NLGN1: variants seen among roughly 807,000 people sequenced by gnomAD.
The protein encoded by NLGN1 is neuroligin 1.
NLGN1 carries 12 observed loss-of-function variants against 65.5 expected under a neutral mutation model. The ratio of observed to expected loss-of-function variants is 0.18; its 90% CI spans 0.12 to 0.30. NLGN1 has a LOEUF of 0.30. Ranked by LOEUF, NLGN1 falls within the 10% of genes least tolerant of loss-of-function variation. The pLI is 1.00. For missense variants in NLGN1, 750 were observed against 1,007.1 expected (o/e 0.74, Z 3.46); for synonymous variants, 350 against 359.5 (o/e 0.97, Z 0.30).
chr3:173,685,692 C>T (rs937000246), intron 3 of NLGN1: 1 of 985,260 alleles, frequency 1.0e-6, no homozygotes, highest in Non-Finnish European at 1.2e-6. Flanking sequence ...GACTCAAATC[C>T]AGGAAGTTTG....
intron 4 of NLGN1, among the ~76,000 whole-genome samples, chr3:173,857,595 A>T (rs1214456598): frequency 6.6e-6 from 1 of 152,086 alleles, no homozygotes; most frequent in Non-Finnish European, 1.5e-5. Flanking sequence ...ACAAAAAAAA[A>T]TCACAGAAAG....
intron 1 of NLGN1, among the ~76,000 whole-genome samples, chr3:173,428,481 A>T (rs1417270654): frequency 6.6e-6 from 1 of 152,016 alleles, no homozygotes. Flanking sequence ...GGCTTACAAA[A>T]TATTTTATGG....
intron 4 of NLGN1, among the ~76,000 whole-genome samples, chr3:173,938,968 A>G (rs925574241): frequency 6.6e-6 from 1 of 152,180 alleles, no homozygotes; most frequent in Non-Finnish European, 1.5e-5. Flanking sequence ...TTCCAAACCG[A>G]GCTTGTCAAC....
At chr3:173,688,987 G>T (rs547569714) in intron 3 of NLGN1, among the ~76,000 whole-genome samples, 50 of 152,226 alleles carry the variant, frequency 3.3e-4, no homozygotes, top group African/African-American at 1.1e-3. Context: ...CCATTTGGGT[G>T]TACTAATAAT....
chr3:174,263,200 C>G (rs919367100), intron 4 of NLGN1, among the ~76,000 whole-genome samples: 5 of 150,660 alleles, frequency 3.3e-5, no homozygotes, highest in African/African-American at 4.9e-5. Context: ...CTATTAGGTC[C>G]GCTTGGTGCA....
intron 4 of NLGN1, among the ~76,000 whole-genome samples, chr3:173,992,138 A>G (rs1450420507): frequency 1.3e-5 from 2 of 152,144 alleles, no homozygotes; most frequent in African/African-American, 4.8e-5. Flanking sequence ...ACTTTCAAAC[A>G]TATTTGCCTT....
chr3:174,152,940 A>G (rs1724681103), intron 4 of NLGN1, among the ~76,000 whole-genome samples: 1 of 152,134 alleles, frequency 6.6e-6, no homozygotes, highest in Admixed American at 6.6e-5. Flanking sequence ...AGTCTTTACT[A>G]TCTTTTCATG....
intron 4 of NLGN1, among the ~76,000 whole-genome samples, chr3:173,934,696 A>T (rs1177860953): frequency 6.6e-6 from 1 of 152,108 alleles, no homozygotes; most frequent in East Asian, 1.9e-4. Flanking sequence ...TTTTATGAGT[A>T]TTCTCAAAGT....
chr3:174,019,802 C>T (rs780150940), intron 4 of NLGN1, among the ~76,000 whole-genome samples: 5 of 151,964 alleles, frequency 3.3e-5, no homozygotes, highest in Admixed American at 6.6e-5. Context: ...TGCATAGTTA[C>T]GCACTAGAAC....
At chr3:173,771,886 A>G (rs948108097) in intron 3 of NLGN1, among the ~76,000 whole-genome samples, 8 of 151,940 alleles carry the variant, frequency 5.3e-5, no homozygotes, top group South Asian at 2.1e-4. Context: ...ACATGCATCT[A>G]TAGATCCTAA....
intron 3 of NLGN1, among the ~76,000 whole-genome samples, chr3:173,744,099 G>A (rs1775025088): frequency 6.6e-6 from 1 of 151,870 alleles, no homozygotes; most frequent in African/African-American, 2.4e-5. Context: ...CATGGATTGG[G>A]GCCAAACTAA....
At chr3:173,710,821 T>C (rs1343189347) in intron 3 of NLGN1, among the ~76,000 whole-genome samples, 2 of 152,132 alleles carry the variant, frequency 1.3e-5, no homozygotes, top group South Asian at 2.1e-4. Context: ...TCAAGTACCA[T>C]GCGAGAGTAA....
At chr3:173,648,731 C>G (rs1217864706) in intron 3 of NLGN1, among the ~76,000 whole-genome samples, 1 of 152,058 alleles carries the variant, frequency 6.6e-6, no homozygotes, top group Non-Finnish European at 1.5e-5. Flanking sequence ...TGCACCACCA[C>G]ACCCAGCTAA....
chr3:174,221,136 G>A (rs1738563212), intron 4 of NLGN1, among the ~76,000 whole-genome samples: 1 of 151,794 alleles, frequency 6.6e-6, no homozygotes, highest in Non-Finnish European at 1.5e-5. Flanking sequence ...TTCTGTCTGT[G>A]GTCCTCTGTT....
intron 4 of NLGN1, among the ~76,000 whole-genome samples, chr3:174,164,950 A>G (rs1459611621): frequency 6.6e-6 from 1 of 152,028 alleles, no homozygotes; most frequent in African/African-American, 2.4e-5. Context: ...GATTCTTCCA[A>G]TCCATGAGCA....
At chr3:173,664,974 A>G (rs1761493431) in intron 3 of NLGN1, among the ~76,000 whole-genome samples, 1 of 152,162 alleles carries the variant, frequency 6.6e-6, no homozygotes, top group African/African-American at 2.4e-5. Context: ...CTGAGCTCAT[A>G]ATATATTCCG....
At chr3:174,234,837 CAA>C (rs1238420013) in intron 4 of NLGN1, among the ~76,000 whole-genome samples, 1 of 151,908 alleles carries the variant, frequency 6.6e-6, no homozygotes, top group Non-Finnish European at 1.5e-5. Context: ...TAACGTAAAA[CAA>C]AATTATATAG....
At chr3:173,565,680 C>T (rs371378894) in intron 2 of NLGN1, among the ~76,000 whole-genome samples, 3 of 152,046 alleles carry the variant, frequency 2.0e-5, no homozygotes, top group Admixed American at 1.3e-4. Context: ...TCCAGACATG[C>T]GTCTTCAAAT....
intron 1 of NLGN1, among the ~76,000 whole-genome samples, chr3:173,416,552 T>A (rs1368055111): frequency 6.6e-6 from 1 of 152,196 alleles, no homozygotes; most frequent in Non-Finnish European, 1.5e-5. Flanking sequence ...TTTCAGTTAG[T>A]TCAGAAAATA....
Sources: gnomAD v4.1 joint callset for allele counts (sites outside exome capture counted in the v4.1 genomes callset) on GRCh38, gnomAD v4.1.1 for gene constraint, MANE v1.5 for transcripts, NCBI Gene and HGNC (gene_info 2026-07-23, HGNC 2026-07-21) for gene names.